ZNF723: variants seen among roughly 807,000 people sequenced by gnomAD.
The protein encoded by ZNF723 is zinc finger protein 723, pseudogene.
A neutral mutation model predicts 9.4 loss-of-function variants in ZNF723; 5 were observed. That is an observed-to-expected ratio of 0.53 (90% CI 0.28 to 1.12). The LOEUF is 1.12. Ranked by LOEUF, ZNF723 falls within the 50% of genes most tolerant of loss-of-function variation. The pLI is 0.10. For missense variants in ZNF723, 450 were observed against 501.5 expected (o/e 0.90, Z 0.98); for synonymous variants, 158 against 168.8 (o/e 0.94, Z 0.49).
Position 22,858,539 on chromosome 19 carries a change from G to A in ZNF723, c.*106G>A, listed in dbSNP as rs1012749647. The A allele has an allele frequency of 3.0e-5, 17 of 560,720 alleles. No individual in the cohort carries two copies. The highest frequency in any genetic ancestry group is 1.9e-4 in the South Asian group (7 of 37,166). 34.7% of individuals were successfully genotyped at this position (560,720 alleles called of 1,614,324 possible). A position where few individuals can be genotyped will look rare whatever the true frequency, so the allele number is the denominator to read the frequency against. ...TCCCAGCACTTTGGGAGGCCGAGGCGGGCAGATCACCTGAGGTCAGGAGTT... is the reference window on the plus strand; with the variant it reads ...TCCCAGCACTTTGGGAGGCCGAGGCAGGCAGATCACCTGAGGTCAGGAGTT... On this transcript the variant is annotated 3_prime_UTR_variant, in exon 4 of 4. Transcript: ENST00000600766.
rs1486258180 is a variant in ZNF723 at position 22,857,190 on chromosome 19, T to A, written c.299T>A (p.Leu100Gln). Residue 100 changes from leucine to glutamine, a missense_variant, in exon 4 of 4, where the codon CTG (leucine) becomes CAG (glutamine). Leu to Gln is a moderately radical substitution (Grantham distance 113). This residue lies in a region of ZNF723 where 143 missense variants were observed against 101.3 expected (regional missense o/e 1.41). Transcript: ENST00000600766. Reference protein sequence around the residue: ...GIKDSFQKVILRSYGKYGHDN... With the variant: ...GIKDSFQKVIQRSYGKYGHDN... ...AAAGATTCTTTCCAAAAAGTAATAC[T>A]GAGAAGCTATGGAAAATATGGACAT... 2 of 946,030 alleles carry A rather than the reference T, an allele frequency of 2.1e-6. No individual in the cohort carries two copies. 58.6% of individuals were successfully genotyped at this position (946,030 alleles called of 1,614,324 possible). A position where few individuals can be genotyped will look rare whatever the true frequency, so the allele number is the denominator to read the frequency against.
intron 3 of ZNF723, among the ~76,000 whole-genome samples, chr19:22,849,913 A>G (rs1967368733): frequency 6.6e-6 from 1 of 152,166 alleles, no homozygotes; most frequent in Non-Finnish European, 1.5e-5. Context: ...CCATCTCAAA[A>G]GTAAAAAAAA....
chr19:22,831,278 C>G (rs1308774088), upstream of ZNF723, among the ~76,000 whole-genome samples: 1 of 152,048 alleles, frequency 6.6e-6, no homozygotes, highest in East Asian at 1.9e-4. Flanking sequence ...TGGCAATGGC[C>G]GGGTGCAGTG....
the ZNF723 span, among the ~76,000 whole-genome samples, chr19:22,815,347 T>C: frequency 2.0e-5 from 3 of 152,166 alleles, no homozygotes; most frequent in African/African-American, 7.2e-5. Flanking sequence ...GATATATCAC[T>C]GGACCCAGGC....
chr19:22,813,614 G>A, the ZNF723 span, among the ~76,000 whole-genome samples: 1 of 151,718 alleles, frequency 6.6e-6, no homozygotes, highest in South Asian at 2.1e-4. Flanking sequence ...TGTGGCGGGT[G>A]TCTGTAATCA....
intron 1 of ZNF723, among the ~76,000 whole-genome samples, chr19:22,845,328 T>C (rs1363369037): frequency 6.6e-6 from 1 of 152,190 alleles, no homozygotes; most frequent in East Asian, 1.9e-4. Context: ...TACTTAGATG[T>C]GGATACTCAG....
Position 22,857,444 on chromosome 19 carries a change from C to A in ZNF723, c.553C>A (p.Leu185Ile). The A allele has an allele frequency of 1.0e-6, 1 of 967,744 alleles. No homozygotes were observed. 59.9% of individuals were successfully genotyped at this position (967,744 alleles called of 1,614,324 possible). A position where few individuals can be genotyped will look rare whatever the true frequency, so the allele number is the denominator to read the frequency against. The change falls in exon 4 of 4, where the codon CTT (leucine) becomes ATT (isoleucine). Residue 185 changes from leucine (L) to isoleucine (I), a missense_variant. Physicochemically the swap from Leu to Ile is conservative, Grantham distance 5. This residue lies in a region of ZNF723 where 143 missense variants were observed against 101.3 expected (regional missense o/e 1.41). Coordinates refer to ENST00000600766, the MANE Select transcript of ZNF723 (RefSeq NM_001349726.2). The stretch of plus-strand genomic sequence containing the variant: ...AGAATGTGGCAAATCATTTTGCATG[C>A]TTTCACACCTAACTAAACATGAAAG... Reference protein sequence around the residue: ...CKECGKSFCMLSHLTKHERNH... With the variant: ...CKECGKSFCMISHLTKHERNH...
chr19:22,855,546 ATAT>A (rs1414479806), intron 3 of ZNF723, among the ~76,000 whole-genome samples: 1 of 152,066 alleles, frequency 6.6e-6, no homozygotes, highest in African/African-American at 2.4e-5. Flanking sequence ...TTCTTGAATC[ATAT>A]TATTTTCAAT....
chr19:22,821,119 G>C, the ZNF723 span, among the ~76,000 whole-genome samples: 1 of 152,212 alleles, frequency 6.6e-6, no homozygotes, highest in South Asian at 2.1e-4. Context: ...CCACCATTAA[G>C]ACGGTGACTC....
chr19:22,812,954 T>TTTTGTTTGTTTG, the ZNF723 span, among the ~76,000 whole-genome samples: 12,921 of 151,260 alleles, frequency 0.085, 604 homozygotes, highest in Middle Eastern at 0.14. Flanking sequence ...AAGGTGTTTT[T>TTTTGTTTGTTTG]TTTGTTTGTT....
At chr19:22,833,926 CTTTTTT>C (rs34792208) in intron 1 of ZNF723, among the ~76,000 whole-genome samples, 4 of 89,314 alleles carry the variant, frequency 4.5e-5, no homozygotes, top group African/African-American at 1.3e-4. Flanking sequence ...TTTTAGCGTA[CTTTTTT>C]TTTTTTTTTT....
chr19:22,858,157 A>C lies in ZNF723; in HGVS notation c.1266A>C (p.Glu422Asp). 11 of 1,413,984 alleles carry C rather than the reference A, an allele frequency of 7.8e-6. No homozygotes were observed. Among genetic ancestry groups the C allele is most frequent in the Non-Finnish European group, 9.0e-6 (9 of 1,000,936 alleles). The allele number at this position is 1,413,984 out of a possible 1,614,324, so 87.6% of individuals were successfully genotyped here. A position where few individuals can be genotyped will look rare whatever the true frequency, so the allele number is the denominator to read the frequency against. ...CACATAAGATAATTCATACTGGAGA[A>C]AGACCTTACAAATGTAAACAATGTG... ...LTTHKIIHTGERPYKCKQCGK... is the reference protein window; with the variant it reads ...LTTHKIIHTGDRPYKCKQCGK... Residue 422 changes from glutamate (E) to aspartate (D), a missense_variant, in exon 4 of 4, where the codon GAA (glutamate) becomes GAC (aspartate). Physicochemically the swap from Glu to Asp is conservative, Grantham distance 45. Coordinates refer to ENST00000600766, the MANE Select transcript of ZNF723 (RefSeq NM_001349726.2).
rs78760182 is a variant in ZNF723, at chr19:22,856,669, A to T, written c.227-449A>T. Among the ~76,000 whole-genome samples the T allele has an allele frequency of 5.2e-3, 794 of 152,332 alleles. 8 individuals carry two copies. The highest frequency in any genetic ancestry group is 0.018 in the African/African-American group (741 of 41,572). On this transcript the variant is annotated intron_variant, in intron 3 of 3. Transcript: ENST00000600766. ...CAGCAAACTCAAAGGGTCACTTCAA[A>T]GTATATGACCAGTTATTTTAGCACT...
intron 3 of ZNF723, 106 bp from the exon 4 acceptor site, chr19:22,857,012 G>T: frequency 3.9e-6 from 2 of 512,426 alleles, no homozygotes; most frequent in African/African-American, 2.0e-5. Context: ...ATGGTATTTT[G>T]CTATGCCATC....
At chr19:22,817,090 G>A in the ZNF723 span, among the ~76,000 whole-genome samples, 6 of 152,210 alleles carry the variant, frequency 3.9e-5, no homozygotes, top group South Asian at 2.1e-4. Context: ...CATACATTGC[G>A]TATTTGAAAA....
chr19:22,849,916 A>G, intron 3 of ZNF723, among the ~76,000 whole-genome samples: 1 of 151,404 alleles, frequency 6.6e-6, no homozygotes, highest in Admixed American at 6.6e-5. Context: ...TCTCAAAAGT[A>G]AAAAAAAAGA....
chr19:22,835,189 T>C (rs1967151705), intron 1 of ZNF723, among the ~76,000 whole-genome samples: 1 of 151,320 alleles, frequency 6.6e-6, no homozygotes, highest in South Asian at 2.1e-4. Flanking sequence ...TACAGGCGCC[T>C]GCCACCACAC....
the ZNF723 span, among the ~76,000 whole-genome samples, chr19:22,819,929 C>G: frequency 6.6e-6 from 1 of 152,232 alleles, no homozygotes; most frequent in African/African-American, 2.4e-5. Flanking sequence ...TGATTTGACT[C>G]TTCTGCCTGG....
At chr19:22,820,862 C>T in the ZNF723 span, among the ~76,000 whole-genome samples, 1 of 152,194 alleles carries the variant, frequency 6.6e-6, no homozygotes, top group Non-Finnish European at 1.5e-5. Flanking sequence ...AAAACTGTGA[C>T]TCTCCTATGC....
Sources: gnomAD v4.1 joint callset for allele counts (sites outside exome capture counted in the v4.1 genomes callset) on GRCh38, gnomAD v4.1.1 for gene constraint, gnomAD v4.1.1 regional missense constraint, MANE v1.5 for transcripts, NCBI Gene and HGNC (gene_info 2026-07-23, HGNC 2026-07-21) for gene names.